Variants in INPP4B observed in about 807,000 individuals in gnomAD.
INPP4B encodes the protein inositol polyphosphate 4-phosphatase type II.
Under a neutral mutation model 122.5 loss-of-function variants are expected in INPP4B, and 55 were observed. The observed-to-expected ratio is 0.45, with a 90% CI of 0.36 to 0.56. The LOEUF is 0.56. Ranked by LOEUF, INPP4B falls within the 20% of genes least tolerant of loss-of-function variation. INPP4B has a pLI of 0.00. For missense variants in INPP4B, 1,000 were observed against 1,097.7 expected, an observed-to-expected ratio of 0.91 and a Z score of 1.26; for synonymous variants, 403 against 388.7, an observed-to-expected ratio of 1.04 and a Z score of -0.43.
chr4:142,173,678 T>C lies in INPP4B; in HGVS notation c.1313A>G (p.His438Arg), dbSNP rs771614035. The C allele has an allele frequency of 2.5e-6, 4 of 1,613,240 alleles. No individual in the cohort carries two copies. The highest frequency in any genetic ancestry group is 3.4e-6 in the Non-Finnish European group (4 of 1,179,436). ...ADLLLNSASQHSPDSLKNSLK... is the reference protein window; with the variant it reads ...ADLLLNSASQRSPDSLKNSLK... ...AGAATTCTTCAAGCTGTCTGGAGAA[T>C]GCTGGCTTGCAGAATTAAGCAGTAG... Residue 438 changes from histidine to arginine, a missense_variant, in exon 16 of 26, where the codon CAT (histidine) becomes CGT (arginine). Coordinates refer to ENST00000262992, the MANE Select transcript of INPP4B (RefSeq NM_001101669.3).
chr4:142,513,930 CA>C lies in INPP4B; in HGVS notation c.-190-51205del, dbSNP rs1201891156. On this transcript the variant is annotated intron_variant, in intron 2 of 25. Coordinates refer to ENST00000262992, the MANE Select transcript of INPP4B (RefSeq NM_001101669.3). ...GTAGAAACAGACAATTTAAAAAAAT[CA>C]ACCAGGTAATTTCAGATAGTGATTC... Among the ~76,000 whole-genome samples, 3 of 152,192 alleles carry C rather than the reference CA, an allele frequency of 2.0e-5. No homozygotes were observed. The South Asian group carries it at 6.2e-4, about 32-fold the overall frequency.
At chr4:142,423,829 A>C (rs746153139) in intron 5 of INPP4B, 21 of 440,402 alleles carry the variant, frequency 4.8e-5, no homozygotes, top group South Asian at 6.6e-5. Flanking sequence ...TATAAAAAAA[A>C]AAACCTTTAT....
intron 8 of INPP4B, among the ~76,000 whole-genome samples, chr4:142,314,444 C>A (rs1016959073): frequency 1.3e-5 from 2 of 152,162 alleles, no homozygotes; most frequent in African/African-American, 4.8e-5. Flanking sequence ...CTCTGAAACA[C>A]AGTTCAGCTA....
intron 18 of INPP4B, among the ~76,000 whole-genome samples, chr4:142,131,153 A>T (rs766246222): frequency 6.6e-6 from 1 of 152,196 alleles, no homozygotes; most frequent in African/African-American, 2.4e-5. Context: ...CCTTAAATAA[A>T]CTGTAATCTC....
chr4:142,626,887 A>G (rs7662420), intron 2 of INPP4B, among the ~76,000 whole-genome samples: 289 of 152,170 alleles, frequency 1.9e-3, no homozygotes, highest in African/African-American at 6.8e-3. Context: ...ATTCTCTGGT[A>G]TATATCACTA....
intron 7 of INPP4B, among the ~76,000 whole-genome samples, chr4:142,366,952 T>C (rs1390419617): frequency 1.3e-5 from 2 of 152,128 alleles, no homozygotes; most frequent in African/African-American, 4.8e-5. Context: ...GGTCAAAGGA[T>C]GCAAGAAGTG....
chr4:142,454,872 A>G (rs1815058157), intron 3 of INPP4B, among the ~76,000 whole-genome samples: 1 of 152,106 alleles, frequency 6.6e-6, no homozygotes, highest in African/African-American at 2.4e-5. Context: ...ACTGAGTAGG[A>G]GTAAATACAA....
At chr4:142,595,182 T>C (rs917231285) in intron 2 of INPP4B, among the ~76,000 whole-genome samples, 34 of 152,222 alleles carry the variant, frequency 2.2e-4, no homozygotes, top group Non-Finnish European at 1.3e-4. Context: ...TAATTTTTAG[T>C]TATAGGGAGG....
intron 2 of INPP4B, among the ~76,000 whole-genome samples, chr4:142,534,414 G>A (rs1421808088): frequency 2.6e-5 from 4 of 152,062 alleles, no homozygotes; most frequent in African/African-American, 9.7e-5. Flanking sequence ...AGGGGCTCAA[G>A]GTTGGAAGGA....
At chr4:142,282,055 A>G (rs1327917854) in intron 9 of INPP4B, among the ~76,000 whole-genome samples, 1 of 152,146 alleles carries the variant, frequency 6.6e-6, no homozygotes, top group Non-Finnish European at 1.5e-5. Context: ...AGTGATAAAC[A>G]AATGTGATAT....
intron 2 of INPP4B, among the ~76,000 whole-genome samples, chr4:142,590,354 AAG>A (rs1737157872): frequency 6.6e-6 from 1 of 152,198 alleles, no homozygotes; most frequent in Admixed American, 6.5e-5. Context: ...AACTTCACTG[AAG>A]AGAGTGGTAG....
chr4:142,083,363 A>G (rs893342425), intron 24 of INPP4B, among the ~76,000 whole-genome samples: 2 of 152,182 alleles, frequency 1.3e-5, no homozygotes, highest in African/African-American at 4.8e-5. Context: ...AGTCAGAGAA[A>G]AATCACTGAG....
chr4:142,162,158 A>G (rs1237683605), intron 16 of INPP4B, among the ~76,000 whole-genome samples: 7 of 151,820 alleles, frequency 4.6e-5, no homozygotes, highest in Non-Finnish European at 1.0e-4. Context: ...GAAGGTGAGA[A>G]AACAAAACAT....
chr4:142,585,145 A>G (rs3909598), intron 2 of INPP4B, among the ~76,000 whole-genome samples: 2,138 of 152,136 alleles, frequency 0.014, 40 homozygotes, highest in African/African-American at 0.041. Context: ...CACTTTCTGG[A>G]AGTAGGAGAT....
chr4:142,606,367 T>C (rs1741265416), intron 2 of INPP4B, among the ~76,000 whole-genome samples: 2 of 151,826 alleles, frequency 1.3e-5, no homozygotes, highest in Admixed American at 6.6e-5. Context: ...CAATATTACA[T>C]ATATTTCAAA....
intron 16 of INPP4B, among the ~76,000 whole-genome samples, chr4:142,164,731 T>C (rs867518457): frequency 1.3e-5 from 2 of 151,686 alleles, no homozygotes; most frequent in South Asian, 4.1e-4. Flanking sequence ...TTTTATTTAT[T>C]ATTTTATCTT....
intron 1 of INPP4B, among the ~76,000 whole-genome samples, chr4:142,740,233 A>C (rs1256622073): frequency 6.6e-6 from 1 of 152,058 alleles, no homozygotes; most frequent in Non-Finnish European, 1.5e-5. Context: ...TAAATTCAAA[A>C]AATAAACAAT....
intron 3 of INPP4B, among the ~76,000 whole-genome samples, chr4:142,434,705 G>A (rs1294755441): frequency 6.6e-6 from 1 of 152,136 alleles, no homozygotes; most frequent in Non-Finnish European, 1.5e-5. Context: ...TAGAGGATAT[G>A]GCCAAAACTC....
intron 2 of INPP4B, among the ~76,000 whole-genome samples, chr4:142,577,610 T>C (rs1734132067): frequency 6.6e-6 from 1 of 152,008 alleles, no homozygotes; most frequent in South Asian, 2.1e-4. Flanking sequence ...AGCCTTATCA[T>C]TTACCAGTTA....
Sources: gnomAD v4.1 joint callset for allele counts (sites outside exome capture counted in the v4.1 genomes callset) on GRCh38, gnomAD v4.1.1 for gene constraint, MANE v1.5 for transcripts, NCBI Gene and HGNC (gene_info 2026-07-23, HGNC 2026-07-21) for gene names.